VPS54: variants seen among roughly 807,000 people sequenced by gnomAD.
VPS54 encodes VPS54 subunit of GARP complex, also known as vacuolar protein sorting-associated protein 54.
VPS54 carries 45 observed loss-of-function variants against 121.5 expected under a neutral mutation model. The observed-to-expected ratio is 0.37, with a 90% CI of 0.29 to 0.47. VPS54 has a LOEUF of 0.47. Ranked by LOEUF, VPS54 falls within the 20% of genes least tolerant of loss-of-function variation. The pLI is 0.99. For missense variants in VPS54, 1,090 were observed against 1,131.4 expected (o/e 0.96, Z 0.52); for synonymous variants, 371 against 385.8 (o/e 0.96, Z 0.45).
At chr2:63,954,790 C>T (rs931004320) in intron 7 of VPS54, among the ~76,000 whole-genome samples, 15 of 151,970 alleles carry the variant, frequency 9.9e-5, no homozygotes, top group African/African-American at 1.4e-4. Flanking sequence ...GAAAAAATAA[C>T]ATGCTAAACA....
chr2:64,001,529 C>T (rs1677880326), intron 1 of VPS54, among the ~76,000 whole-genome samples: 1 of 152,154 alleles, frequency 6.6e-6, no homozygotes, highest in Non-Finnish European at 1.5e-5. Context: ...TGGCGTACTA[C>T]GTGGTTATCA....
At chr2:63,895,216 G>A (rs1672397393) in intron 22 of VPS54, among the ~76,000 whole-genome samples, 1 of 152,156 alleles carries the variant, frequency 6.6e-6, no homozygotes, top group Non-Finnish European at 1.5e-5. Flanking sequence ...AGCACTTTGG[G>A]AGGCCGAGGC....
chr2:63,939,890 A>T (rs934441888), intron 11 of VPS54, among the ~76,000 whole-genome samples: 1 of 151,948 alleles, frequency 6.6e-6, no homozygotes, highest in Non-Finnish European at 1.5e-5. Context: ...CCTCCCAAGT[A>T]GCTGGGACAA....
At chr2:63,998,329 C>G (rs150516251) in intron 1 of VPS54, among the ~76,000 whole-genome samples, 2 of 152,240 alleles carry the variant, frequency 1.3e-5, no homozygotes, top group Admixed American at 6.5e-5. Flanking sequence ...TTGTGGGCAA[C>G]AGATCACTGG....
chr2:64,011,955 A>T (rs528096243), intron 1 of VPS54, among the ~76,000 whole-genome samples: 1 of 152,256 alleles, frequency 6.6e-6, no homozygotes, highest in African/African-American at 2.4e-5. Flanking sequence ...AACATCTGCA[A>T]TAAGTCAGTA....
intron 9 of VPS54, among the ~76,000 whole-genome samples, chr2:63,944,870 C>G (rs1370975185): frequency 6.6e-6 from 1 of 152,004 alleles, no homozygotes; most frequent in East Asian, 1.9e-4. Context: ...ATGGCTATTA[C>G]TAAAAAGTCA....
intron 20 of VPS54, among the ~76,000 whole-genome samples, chr2:63,902,501 CTATT>C (rs1056633222): frequency 2.0e-5 from 3 of 152,104 alleles, no homozygotes; most frequent in Non-Finnish European, 4.4e-5. Context: ...TGCATAAACA[CTATT>C]TACCTCACAG....
intron 1 of VPS54, among the ~76,000 whole-genome samples, chr2:64,004,080 C>T (rs1157584502): frequency 1.3e-5 from 2 of 152,080 alleles, no homozygotes; most frequent in East Asian, 3.8e-4. Flanking sequence ...AGGGGGTTCC[C>T]ACTGGCCACA....
At chr2:63,902,943 G>C (rs982461212) in intron 20 of VPS54, among the ~76,000 whole-genome samples, 30 of 151,902 alleles carry the variant, frequency 2.0e-4, no homozygotes, top group Non-Finnish European at 7.4e-5. Flanking sequence ...GCTCCAGCCT[G>C]GGCGAAAGAG....
At chr2:63,970,833 T>C (rs1034536195) in intron 4 of VPS54, among the ~76,000 whole-genome samples, 2 of 152,146 alleles carry the variant, frequency 1.3e-5, no homozygotes, top group Admixed American at 6.5e-5. Flanking sequence ...CTTCTCACTG[T>C]TCACATCTTC....
At chr2:63,894,280 T>C (rs1314754081) in intron 22 of VPS54, among the ~76,000 whole-genome samples, 4 of 152,312 alleles carry the variant, frequency 2.6e-5, no homozygotes, top group Admixed American at 6.5e-5. Context: ...AATTCACTTA[T>C]AGGTATATGC....
intron 1 of VPS54, among the ~76,000 whole-genome samples, chr2:64,002,367 G>C (rs1216291329): frequency 6.6e-6 from 1 of 152,140 alleles, no homozygotes; most frequent in Non-Finnish European, 1.5e-5. Context: ...TGTTAAATTT[G>C]GTGTTCCTAT....
At chr2:64,008,488 G>A (rs1228671395) in intron 1 of VPS54, among the ~76,000 whole-genome samples, 2 of 151,904 alleles carry the variant, frequency 1.3e-5, no homozygotes, top group Non-Finnish European at 2.9e-5. Flanking sequence ...GGAATGGGGC[G>A]AGAGGGGATG....
intron 12 of VPS54, among the ~76,000 whole-genome samples, chr2:63,927,046 C>T (rs551773207): frequency 1.3e-5 from 2 of 152,356 alleles, no homozygotes; most frequent in African/African-American, 4.8e-5. Flanking sequence ...GCAATGCCTA[C>T]TGCCTCTCTG....
rs1242577512 is a variant in VPS54 at position 63,974,333 on chromosome 2, T to C, written c.379-2089A>G. 1.3e-5 allele frequency among the ~76,000 whole-genome samples: 2 copies of C among 152,226 alleles called. 1 individual carries two copies. The highest frequency in any genetic ancestry group is 4.8e-5 in the African/African-American group (2 of 41,466). Reference sequence around the variant, plus strand: ...TGTCTGTTCTTTCACCAATATGACATTGTCTTGATTACTGTAGCTTTATAG... The same window carrying C: ...TGTCTGTTCTTTCACCAATATGACACTGTCTTGATTACTGTAGCTTTATAG... On this transcript the variant is annotated intron_variant, in intron 3 of 22. Transcript: ENST00000272322.
intron 22 of VPS54, among the ~76,000 whole-genome samples, chr2:63,893,794 AATCAGATTT>A (rs1176347717): frequency 6.6e-6 from 1 of 152,226 alleles, no homozygotes; most frequent in Non-Finnish European, 1.5e-5. Flanking sequence ...AGCCCAAGAA[AATCAGATTT>A]ATCTTGAAAC....
intron 1 of VPS54, among the ~76,000 whole-genome samples, chr2:63,991,913 C>A (rs145974787): frequency 7.1e-4 from 108 of 152,324 alleles, no homozygotes; most frequent in Middle Eastern, 6.8e-3. Flanking sequence ...TTGGGGCGGT[C>A]GATCTCTGTA....
chr2:63,969,257 A>T (rs1342414563), intron 4 of VPS54, among the ~76,000 whole-genome samples: 1 of 152,214 alleles, frequency 6.6e-6, no homozygotes, highest in Non-Finnish European at 1.5e-5. Flanking sequence ...TCAGACATAA[A>T]AGGCTTTATG....
chr2:63,905,565 C>T (rs1672870323), intron 20 of VPS54, among the ~76,000 whole-genome samples: 1 of 151,238 alleles, frequency 6.6e-6, no homozygotes, highest in Non-Finnish European at 1.5e-5. Flanking sequence ...AGAACAAAGA[C>T]CAAATGGCTT....
Sources: gnomAD v4.1 joint callset for allele counts (sites outside exome capture counted in the v4.1 genomes callset) on GRCh38, gnomAD v4.1.1 for gene constraint, MANE v1.5 for transcripts, NCBI Gene and HGNC (gene_info 2026-07-23, HGNC 2026-07-21) for gene names.